The following ANK3 variants were observed in gnomAD, a reference collection of about 807,000 sequenced individuals.
The protein encoded by ANK3 is ankyrin 3, also known as ankyrin-3.
In ANK3, 57 loss-of-function variants were observed where a neutral mutation model predicts 370.9. The ratio of observed to expected loss-of-function variants is 0.15; its 90% CI spans 0.12 to 0.19. ANK3 has a LOEUF of 0.19. ANK3 is among the 10% of genes least tolerant of loss of function. The pLI, the probability that ANK3 is intolerant of heterozygous loss-of-function variation, is 1.00. For missense variants in ANK3, 4,439 were observed against 5,302.1 expected, an observed-to-expected ratio of 0.84 and a Z score of 5.06; for synonymous variants, 1,929 against 1,946.3, an observed-to-expected ratio of 0.99 and a Z score of 0.23.
intron 23 of ANK3, among the ~76,000 whole-genome samples, chr10:60,158,027 T>A (rs1194589221): frequency 1.3e-5 from 2 of 151,716 alleles, no homozygotes; most frequent in African/African-American, 4.8e-5. Context: ...AATATCCAGG[T>A]ATAAGAAAAC....
intron 12 of ANK3, among the ~76,000 whole-genome samples, chr10:60,200,438 T>C (rs2096654439): frequency 6.6e-6 from 1 of 152,216 alleles, no homozygotes; most frequent in South Asian, 2.1e-4. Context: ...GGGAGTCTTG[T>C]CACCCACTGT....
At chr10:60,092,158 C>A (rs1303208292) in intron 28 of ANK3, among the ~76,000 whole-genome samples, 1 of 152,004 alleles carries the variant, frequency 6.6e-6, no homozygotes. Context: ...GGGAGTATTA[C>A]CCTTGGGTTG....
At chr10:60,054,656 C>T (rs1271997265) in intron 42 of ANK3, among the ~76,000 whole-genome samples, 9 of 152,268 alleles carry the variant, frequency 5.9e-5, no homozygotes, top group East Asian at 3.9e-4. Context: ...AGCTCCTGAG[C>T]GATTGAGTTT....
intron 38 of ANK3, among the ~76,000 whole-genome samples, chr10:60,064,668 CACAGCAACAACAACAACA>C (rs2081268177): frequency 9.0e-6 from 1 of 110,542 alleles, no homozygotes; most frequent in East Asian, 3.4e-4. Flanking sequence ...TCTCCATACA[CACAGCAACAACAACAACA>C]ACAACAACAA....
chr10:60,373,908 TGA>T (rs1268100526), intron 1 of ANK3, among the ~76,000 whole-genome samples: 1 of 152,090 alleles, frequency 6.6e-6, no homozygotes, highest in Non-Finnish European at 1.5e-5. Flanking sequence ...TCTCATCAGT[TGA>T]GAGTCACTGG....
intron 2 of ANK3, among the ~76,000 whole-genome samples, chr10:60,427,511 A>G (rs1372098740): frequency 6.6e-6 from 1 of 151,926 alleles, no homozygotes; most frequent in African/African-American, 2.4e-5. Context: ...ATGACAGAAT[A>G]TAAGGTTTCG....
At position 60,213,483 on chromosome 10, in the gene ANK3, C is replaced by A. The variant is rs781001445; in HGVS notation, c.925G>T (p.Ala309Ser). Residue 309 changes from alanine to serine, a missense_variant, in exon 9 of 44, where the codon GCA (alanine) becomes TCA (serine). This residue lies in a region of ANK3 where 227 missense variants were observed against 377.6 expected (regional missense o/e 0.60). Transcript: ENST00000280772. ...ACCACCTGCTCGTGGCCACTCCTTG[C>A]TCCACAGTGCAGTGGTGTCAGACCA... ...RDGLTPLHCG[A>S]RSGHEQVVEM... The A allele has an allele frequency of 2.5e-6, 4 of 1,612,372 alleles. No homozygotes were observed. The highest frequency in any genetic ancestry group is 1.3e-5 in the African/African-American group (1 of 74,856).
chr10:60,180,615 C>CAG (rs1555079296), intron 18 of ANK3, among the ~76,000 whole-genome samples: 1 of 106,152 alleles, frequency 9.4e-6, no homozygotes, highest in Non-Finnish European at 1.9e-5. Context: ...AAAAAAAAAC[C>CAG]AAAAAAAAAA....
intron 8 of ANK3, among the ~76,000 whole-genome samples, chr10:60,216,388 A>G (rs1396075116): frequency 2.6e-5 from 4 of 152,110 alleles, no homozygotes; most frequent in Admixed American, 1.3e-4. Flanking sequence ...CAATAATGAT[A>G]TTAGTTGTGG....
chr10:60,479,590 TTA>T (rs754440715), intron 2 of ANK3, among the ~76,000 whole-genome samples: 1 of 152,094 alleles, frequency 6.6e-6, no homozygotes, highest in Non-Finnish European at 1.5e-5. Flanking sequence ...AATTACAGAA[TTA>T]TATGTCAGCT....
At chr10:60,712,512 G>C (rs2079723412) in intron 1 of ANK3, among the ~76,000 whole-genome samples, 1 of 152,172 alleles carries the variant, frequency 6.6e-6, no homozygotes, top group Non-Finnish European at 1.5e-5. Context: ...TATGCTTAGA[G>C]AGAAAATGGA....
chr10:60,419,143 T>G (rs931318632), intron 2 of ANK3, among the ~76,000 whole-genome samples: 2 of 152,102 alleles, frequency 1.3e-5, no homozygotes, highest in African/African-American at 4.8e-5. Flanking sequence ...TTTGGAAACA[T>G]TTACAAATGT....
chr10:60,415,115 C>T (rs1237558212), intron 2 of ANK3, among the ~76,000 whole-genome samples: 1 of 152,118 alleles, frequency 6.6e-6, no homozygotes, highest in Non-Finnish European at 1.5e-5. Context: ...TGTCAGCTGC[C>T]TACAATTCCG....
chr10:60,572,818 T>C, intron 2 of ANK3: 2 of 1,161,356 alleles, frequency 1.7e-6, no homozygotes, highest in Non-Finnish European at 2.1e-6. Context: ...AACTAATCGT[T>C]ACCCTGAGAT....
chr10:60,300,638 T>A, intron 1 of ANK3: 1 of 789,772 alleles, frequency 1.3e-6, no homozygotes, highest in Non-Finnish European at 1.5e-6. Flanking sequence ...ATATGTGGAA[T>A]ACCGAGAATA....
intron 2 of ANK3, among the ~76,000 whole-genome samples, chr10:60,419,353 A>T (rs1019409229): frequency 6.6e-6 from 1 of 152,028 alleles, no homozygotes; most frequent in Admixed American, 6.6e-5. Flanking sequence ...CCCTGCTCCT[A>T]CTCTGACAGT....
chr10:60,715,613 A>G (rs7476584), intron 1 of ANK3, among the ~76,000 whole-genome samples: 2 of 152,172 alleles, frequency 1.3e-5, no homozygotes, highest in Admixed American at 1.3e-4. Context: ...TAACTTCTGG[A>G]GACTTTGTAT....
At chr10:60,105,739 T>C (rs1169894760) in intron 28 of ANK3, among the ~76,000 whole-genome samples, 166 bp downstream of exon 28, 1 of 152,194 alleles carries the variant, frequency 6.6e-6, no homozygotes, top group African/African-American at 2.4e-5. Flanking sequence ...TTAGATTAAA[T>C]GGAACTTCAG....
At chr10:60,098,188 CA>C (rs2090515665) in intron 28 of ANK3, among the ~76,000 whole-genome samples, 1 of 152,078 alleles carries the variant, frequency 6.6e-6, no homozygotes, top group South Asian at 2.1e-4. Flanking sequence ...CAATTCTGTT[CA>C]CATAATAACT....
Sources: allele counts gnomAD v4.1 joint callset (sites outside exome capture counted in the v4.1 genomes callset), GRCh38; gene constraint gnomAD v4.1.1; regional missense constraint gnomAD v4.1.1; transcripts MANE v1.5; gene names NCBI Gene and HGNC (gene_info 2026-07-23, HGNC 2026-07-21).